Variants in EPB41 observed in about 807,000 individuals in gnomAD.
EPB41 encodes protein 4.1.
In EPB41, 65 loss-of-function variants were observed where a neutral mutation model predicts 108.0. The ratio of observed to expected loss-of-function variants is 0.60; its 90% confidence interval spans 0.49 to 0.74. The LOEUF (loss-of-function observed/expected upper bound fraction) is 0.74. Ranked by LOEUF, EPB41 falls within the 30% of genes least tolerant of loss-of-function variation. The probability of loss-of-function intolerance (pLI) is 0.00; values close to 1 mark genes in which losing one functional copy is unlikely to be tolerated. For synonymous variants in EPB41, 336 were observed against 358.9 expected (o/e 0.94, Z 0.72); for missense variants, 875 against 1,037.0 (o/e 0.84, Z 2.15).
chr1:28,894,009 A>G (rs2090410683), intron 1 of EPB41, among the ~76,000 whole-genome samples: 1 of 152,150 alleles, frequency 6.6e-6, no homozygotes, highest in Admixed American at 6.5e-5. Context: ...TACCAATTAA[A>G]CACACTGGGT....
At chr1:29,036,622 G>A (rs1639562453) in intron 10 of EPB41, among the ~76,000 whole-genome samples, 1 of 150,610 alleles carries the variant, frequency 6.6e-6, no homozygotes, top group African/African-American at 2.4e-5. Flanking sequence ...TCTAAGCAAT[G>A]CTTGACTACT....
intron 1 of EPB41, among the ~76,000 whole-genome samples, chr1:28,939,283 GT>G (rs917152075): frequency 6.6e-6 from 1 of 151,948 alleles, no homozygotes; most frequent in African/African-American, 2.4e-5. Flanking sequence ...TATTCTATTG[GT>G]GTGGTGTAGT....
At chr1:28,948,911 C>T (rs2094593686) in intron 1 of EPB41, among the ~76,000 whole-genome samples, 1 of 151,834 alleles carries the variant, frequency 6.6e-6, no homozygotes, top group East Asian at 1.9e-4. Flanking sequence ...ATCACGCCAA[C>T]TGCACTCCAG....
intron 7 of EPB41, among the ~76,000 whole-genome samples, chr1:29,024,852 C>T (rs907681880): frequency 2.0e-5 from 3 of 151,900 alleles, no homozygotes; most frequent in East Asian, 1.9e-4. Context: ...AATGGATCGC[C>T]GTGACCAGAA....
chr1:28,977,577 G>A (rs186953443), intron 1 of EPB41, among the ~76,000 whole-genome samples: 1 of 151,690 alleles, frequency 6.6e-6, no homozygotes, highest in East Asian at 1.9e-4. Context: ...TTGTTTGTTT[G>A]TTTAAATCAA....
intron 16 of EPB41, among the ~76,000 whole-genome samples, chr1:29,066,912 T>A (rs983486364): frequency 6.6e-6 from 1 of 150,892 alleles, no homozygotes; most frequent in Non-Finnish European, 1.5e-5. Context: ...TGACCTCAGG[T>A]GATCCACCCG....
At chr1:29,099,268 TAAAAAA>T (rs1219575690) in intron 17 of EPB41, among the ~76,000 whole-genome samples, 1 of 122,266 alleles carries the variant, frequency 8.2e-6, no homozygotes, top group Admixed American at 8.4e-5. Context: ...TCCACTGCAT[TAAAAAA>T]AAAAAAAAAA....
chr1:28,893,095 A>G (rs2090303261), intron 1 of EPB41, among the ~76,000 whole-genome samples: 1 of 150,800 alleles, frequency 6.6e-6, no homozygotes, highest in Non-Finnish European at 1.5e-5. Flanking sequence ...AGGTTCTTTT[A>G]TTCTGAGATA....
At chr1:28,910,383 A>G (rs2092175877), upstream of EPB41, among the ~76,000 whole-genome samples, 1 of 152,290 alleles carries the variant, frequency 6.6e-6, no homozygotes. Context: ...CTCTTCATAT[A>G]CTTTTGGTAC....
chr1:29,092,165 T>G (rs1661478482), intron 16 of EPB41, among the ~76,000 whole-genome samples: 2 of 150,338 alleles, frequency 1.3e-5, no homozygotes, highest in African/African-American at 4.9e-5. Context: ...TGGCATGATC[T>G]TGGCTCACCA....
intron 16 of EPB41, among the ~76,000 whole-genome samples, chr1:29,080,112 A>ATTTATTTG (rs1655884221): frequency 6.6e-6 from 1 of 150,646 alleles, no homozygotes; most frequent in Admixed American, 6.6e-5. Flanking sequence ...TTATTTATTT[A>ATTTATTTG]TTTATTTATT....
intron 1 of EPB41, among the ~76,000 whole-genome samples, chr1:28,948,505 CAAAAAAAAAA>C (rs34508731): frequency 1.1e-5 from 1 of 90,976 alleles, no homozygotes; most frequent in East Asian, 3.1e-4. Context: ...GACTCCGTAT[CAAAAAAAAAA>C]AAAAAAAAAG....
chr1:28,945,062 G>A (rs2094445083), intron 1 of EPB41, among the ~76,000 whole-genome samples: 1 of 150,056 alleles, frequency 6.7e-6, no homozygotes, highest in Non-Finnish European at 1.5e-5. Flanking sequence ...CTCCAGCCTG[G>A]GTGACAGAGT....
At chr1:29,007,123 C>T (rs1048626842) in intron 4 of EPB41, among the ~76,000 whole-genome samples, 1 of 151,446 alleles carries the variant, frequency 6.6e-6, no homozygotes, top group Non-Finnish European at 1.5e-5. Flanking sequence ...GACAGGGTCT[C>T]ACCCTGTTGT....
At chr1:28,930,896 C>A (rs1156991424) in intron 1 of EPB41, among the ~76,000 whole-genome samples, 3 of 151,844 alleles carry the variant, frequency 2.0e-5, no homozygotes, top group South Asian at 4.2e-4. Flanking sequence ...TAAATAATAC[C>A]CAAGATCCAT....
At position 28,928,611 on chromosome 1, in the gene EPB41, A is replaced by G. The variant is rs374696114; in HGVS notation, c.-8+13843A>G. On this transcript the variant is annotated intron_variant, in intron 1 of 20. Coordinates refer to ENST00000343067, the MANE Select transcript of EPB41 (RefSeq NM_001376013.1). ...ATTCCCTTCCGGTTCTTTTAAGCTT[A>G]ATGCCATTTGATACCTGAGAAAACT... 5.3e-5 allele frequency among the ~76,000 whole-genome samples: 8 copies of G among 152,352 alleles called. No individual in the cohort carries two copies. The East Asian group carries it at 1.5e-3, about 29-fold the overall frequency.
chr1:29,024,421 C>T (rs527991592), intron 7 of EPB41, among the ~76,000 whole-genome samples: 1 of 151,808 alleles, frequency 6.6e-6, no homozygotes, highest in Admixed American at 6.6e-5. Context: ...ATCACGAGGT[C>T]AGGAGTTCAA....
chr1:29,054,038 A>G (rs1558166991), intron 12 of EPB41: 1 of 152,244 alleles, frequency 6.6e-6, no homozygotes, highest in Non-Finnish European at 1.5e-5. Flanking sequence ...ATTTCCAAAG[A>G]ACTGGTATTA....
At position 29,115,003 on chromosome 1, in the gene EPB41, A is replaced by G. The variant is rs1419748503; in HGVS notation, c.2497-696A>G. On this transcript the variant is annotated intron_variant, in intron 19 of 20. Coordinates refer to ENST00000343067, the MANE Select transcript of EPB41 (RefSeq NM_001376013.1). This position sits in a 1 kb window ranked among gnomAD's most constrained non-coding sequence, Gnocchi z 4.4. The stretch of plus-strand genomic sequence containing the variant: ...CCCGTCCTGAACTTGCCACTTACCC[A>G]TGCTGAACACAGATGTTGTTTTGTC... Among the ~76,000 whole-genome samples, 1 of 152,000 alleles carries G rather than the reference A, an allele frequency of 6.6e-6. No homozygotes were observed. Among genetic ancestry groups the G allele is most frequent in the Non-Finnish European group, 1.5e-5 (1 of 67,996 alleles).
Sources: gnomAD v4.1 joint callset for allele counts (sites outside exome capture counted in the v4.1 genomes callset) on GRCh38, gnomAD v4.1.1 for gene constraint, Gnocchi (gnomAD v3.1) non-coding constraint, MANE v1.5 for transcripts, NCBI Gene and HGNC (gene_info 2026-07-23, HGNC 2026-07-21) for gene names.